MICU2: variants seen among roughly 807,000 people sequenced by gnomAD.
The protein encoded by MICU2 is mitochondrial calcium uptake 2, also known as calcium uptake protein 2, mitochondrial.
MICU2 carries 64 observed loss-of-function variants against 60.4 expected under a neutral mutation model. That is an observed-to-expected ratio of 1.06 (90% CI 0.87 to 1.31). The LOEUF (loss-of-function observed/expected upper bound fraction) is 1.31. Ranked by LOEUF, MICU2 falls within the 50% of genes most tolerant of loss-of-function variation. The pLI, the probability that MICU2 is intolerant of heterozygous loss-of-function variation, is 0.00. For synonymous variants in MICU2, 201 were observed against 175.0 expected, an observed-to-expected ratio of 1.15 and a Z score of -1.17; for missense variants, 569 against 531.0, an observed-to-expected ratio of 1.07 and a Z score of -0.70.
chr13:21,503,134 T>G, intron 8 of MICU2, 37 bp from the exon 9 acceptor site: 1 of 1,493,428 alleles, frequency 6.7e-7, no homozygotes, highest in Non-Finnish European at 9.1e-7. Context: ...AGGTAACTAG[T>G]GGCATTCAAC....
chr13:21,493,410 C>A (rs1283205934), intron 11 of MICU2, 57 bp from the exon 12 acceptor site: 4 of 1,213,204 alleles, frequency 3.3e-6, no homozygotes, highest in Non-Finnish European at 1.2e-6. Context: ...AACATGATTT[C>A]ATATATACTT....
chr13:21,584,103 G>A (rs984199964), intron 1 of MICU2, among the ~76,000 whole-genome samples: 2 of 152,106 alleles, frequency 1.3e-5, no homozygotes, highest in Non-Finnish European at 2.9e-5. Context: ...AAAATGGTTT[G>A]CACTGGCCAG....
intron 3 of MICU2, 85 bp downstream of exon 3, chr13:21,539,572 A>T (rs775244851): frequency 5.2e-6 from 8 of 1,553,074 alleles, no homozygotes; most frequent in African/African-American, 2.7e-5. Flanking sequence ...TGCTGGGATT[A>T]CAGGTGTGAG....
chr13:21,565,576 T>C (rs558809037), intron 2 of MICU2, among the ~76,000 whole-genome samples: 52 of 152,356 alleles, frequency 3.4e-4, no homozygotes, highest in African/African-American at 1.2e-3. Flanking sequence ...GAGAATCGCT[T>C]GAACCCCAGA....
chr13:21,563,220 C>G (rs1887890743), intron 2 of MICU2, among the ~76,000 whole-genome samples: 1 of 152,014 alleles, frequency 6.6e-6, no homozygotes, highest in African/African-American at 2.4e-5. Flanking sequence ...CTTTGGGAGG[C>G]CAAGGTGGGC....
chr13:21,578,099 G>A (rs566127573), intron 1 of MICU2, among the ~76,000 whole-genome samples: 1 of 152,262 alleles, frequency 6.6e-6, no homozygotes, highest in East Asian at 1.9e-4. Context: ...TGGGCATATA[G>A]AACCCTGAGT....
chr13:21,521,985 C>A (rs1029971793), intron 5 of MICU2, among the ~76,000 whole-genome samples: 1 of 152,152 alleles, frequency 6.6e-6, no homozygotes, highest in African/African-American at 2.4e-5. Context: ...TACCATGTTG[C>A]CCAAGCTGGT....
intron 5 of MICU2, among the ~76,000 whole-genome samples, chr13:21,521,817 C>T (rs1295815087): frequency 6.6e-6 from 1 of 152,222 alleles, no homozygotes; most frequent in Non-Finnish European, 1.5e-5. Context: ...TCACCTGTCA[C>T]CCAGGCTGGA....
chr13:21,564,462 G>A (rs1457991000), intron 2 of MICU2, among the ~76,000 whole-genome samples: 1 of 152,160 alleles, frequency 6.6e-6, no homozygotes. Flanking sequence ...AAAGGGGCCT[G>A]CTCTATGGAT....
intron 1 of MICU2, among the ~76,000 whole-genome samples, chr13:21,601,558 A>G (rs892783712): frequency 6.6e-6 from 1 of 152,230 alleles, no homozygotes; most frequent in Non-Finnish European, 1.5e-5. Flanking sequence ...AAGAGAATCC[A>G]AAATAACTAC....
chr13:21,509,958 C>T, intron 8 of MICU2, 46 bp downstream of exon 8: 1 of 1,076,148 alleles, frequency 9.3e-7, no homozygotes. Context: ...CTCTTTATTT[C>T]TTACCCATAA....
intron 5 of MICU2, among the ~76,000 whole-genome samples, chr13:21,522,361 A>G (rs956243764): frequency 6.6e-6 from 1 of 152,190 alleles, no homozygotes; most frequent in African/African-American, 2.4e-5. Flanking sequence ...GACTACCACT[A>G]TGATTCTCTA....
At chr13:21,568,912 G>A (rs1395323313) in intron 1 of MICU2, among the ~76,000 whole-genome samples, 1 of 151,072 alleles carries the variant, frequency 6.6e-6, no homozygotes, top group Non-Finnish European at 1.5e-5. Context: ...ATTTTTATAT[G>A]CTTATACATG....
intron 5 of MICU2, 55 bp from the exon 6 acceptor site, chr13:21,521,382 T>A: frequency 7.1e-7 from 1 of 1,418,154 alleles, no homozygotes; most frequent in Non-Finnish European, 9.8e-7. Flanking sequence ...AAGTTATTTG[T>A]AGATAGATAG....
intron 2 of MICU2, among the ~76,000 whole-genome samples, chr13:21,549,940 C>T (rs1330897966): frequency 1.3e-5 from 2 of 152,084 alleles, no homozygotes; most frequent in East Asian, 3.9e-4. Flanking sequence ...ACCTCAGGCT[C>T]GTGGATGTAT....
At chr13:21,505,104 T>C (rs1258358253) in intron 8 of MICU2, among the ~76,000 whole-genome samples, 2 of 152,190 alleles carry the variant, frequency 1.3e-5, no homozygotes, top group Admixed American at 6.5e-5. Flanking sequence ...CCTCTAACCA[T>C]TATATATCTT....
intron 1 of MICU2, among the ~76,000 whole-genome samples, chr13:21,597,624 CA>C (rs1888721741): frequency 6.6e-6 from 1 of 152,050 alleles, no homozygotes; most frequent in African/African-American, 2.4e-5. Flanking sequence ...ACGAAATAAA[CA>C]AGTATATAAA....
intron 4 of MICU2, among the ~76,000 whole-genome samples, chr13:21,529,934 G>A (rs575346854): frequency 6.6e-6 from 1 of 152,192 alleles, no homozygotes; most frequent in Non-Finnish European, 1.5e-5. Flanking sequence ...CCCAATCAGC[G>A]TGGGATAAAA....
rs747825539 is a variant in MICU2, at chr13:21,563,743, T to C, written c.358+3054A>G. On this transcript the variant is annotated intron_variant, in intron 2 of 11. Coordinates refer to ENST00000382374, the MANE Select transcript of MICU2 (RefSeq NM_152726.3). ...TGCTTTTCAAGTTGGGAAGTTTCTA[T>C]TGACATATCTTCAAGCTCACTGATT... is the stretch of plus-strand genomic sequence containing the variant. 5.3e-5 allele frequency among the ~76,000 whole-genome samples: 8 copies of C among 152,286 alleles called. No individual in the cohort carries two copies. In the South Asian group the frequency reaches 1.0e-3, roughly 20 times the overall value.
Sources: allele counts gnomAD v4.1 joint callset (sites outside exome capture counted in the v4.1 genomes callset), GRCh38; gene constraint gnomAD v4.1.1; transcripts MANE v1.5; gene names NCBI Gene and HGNC (gene_info 2026-07-23, HGNC 2026-07-21).